Variants in GRIPAP1 observed in about 807,000 individuals in gnomAD.
The protein encoded by GRIPAP1 is GRIP1 associated protein 1.
In GRIPAP1, 14 loss-of-function variants were observed where a neutral mutation model predicts 84.1. The ratio of observed to expected loss-of-function variants is 0.17; its 90% CI spans 0.11 to 0.26. GRIPAP1 has a LOEUF of 0.26. Among genes scored for constraint, GRIPAP1 ranks in the 10% least tolerant of loss-of-function variants. The probability of loss-of-function intolerance (pLI) is 1.00; values close to 1 mark genes in which losing one functional copy is unlikely to be tolerated. For missense variants in GRIPAP1, 518 were observed against 674.2 expected, an observed-to-expected ratio of 0.77 and a Z score of 2.57; for synonymous variants, 261 against 256.8, an observed-to-expected ratio of 1.02 and a Z score of -0.15.
chrX:49,001,654 G>A (rs1360954495), intron 1 of GRIPAP1, among the ~76,000 whole-genome samples: 1 of 109,691 alleles, frequency 9.1e-6, no homozygotes, highest in East Asian at 2.9e-4. Flanking sequence ...AACCACCAAT[G>A]GCACAGGATC....
intron 14 of GRIPAP1, 96 bp downstream of exon 14, chrX:48,985,172 C>T: frequency 1.3e-6 from 1 of 746,613 alleles, no homozygotes; most frequent in Non-Finnish European, 2.0e-6. Context: ...AACCTAGGTC[C>T]TCCTGACTCC....
In GRIPAP1 at chrX:48,992,994, G is replaced by C. The variant is rs1017878505; in HGVS notation, c.457+434C>G. On this transcript the variant is annotated intron_variant, in intron 6 of 25. Coordinates refer to ENST00000376423, the MANE Select transcript of GRIPAP1 (RefSeq NM_020137.5). ...CGCCACCGTGCCCGGCCAATTTTCTGTATTTCTAGTAGAGACGGGGTTTCA... is the reference window on the plus strand; with the variant it reads ...CGCCACCGTGCCCGGCCAATTTTCTCTATTTCTAGTAGAGACGGGGTTTCA... Among the ~76,000 whole-genome samples the C allele has an allele frequency of 4.5e-5, 5 of 109,989 alleles. 1 individual carries two copies. Among genetic ancestry groups the C allele is most frequent in the East Asian group, 5.7e-4 (2 of 3,487 alleles).
At chrX:48,979,427 A>G (rs1557061414) in intron 21 of GRIPAP1, among the ~76,000 whole-genome samples, 1 of 75,513 alleles carries the variant, frequency 1.3e-5, no homozygotes, top group African/African-American at 5.1e-5. Flanking sequence ...CAGTGAGCCG[A>G]GATCGCGCCA....
chrX:48,989,341 C>T, intron 11 of GRIPAP1, among the ~76,000 whole-genome samples: 1 of 111,400 alleles, frequency 9.0e-6, no homozygotes, highest in Non-Finnish European at 1.9e-5. Flanking sequence ...AGACTGTGGT[C>T]TCAAACCTCC....
intron 25 of GRIPAP1, 58 bp from the exon 26 acceptor site, chrX:48,974,343 A>C (rs2064411305): frequency 1.4e-6 from 1 of 710,979 alleles, no homozygotes; most frequent in Non-Finnish European, 2.2e-6. Context: ...TCCCTTGCCA[A>C]ACGTAGGGTA....
At chrX:48,993,373 C>A in intron 6 of GRIPAP1, 55 bp downstream of exon 6, 1 of 1,044,001 alleles carries the variant, frequency 9.6e-7, no homozygotes, top group Non-Finnish European at 1.3e-6. Flanking sequence ...TGACGGCCTT[C>A]CTTGCCCTAC....
chrX:48,987,954 GACACACACACACAC>G (rs781921365), intron 12 of GRIPAP1, 77 bp from the exon 13 acceptor site: 255 of 357,960 alleles, frequency 7.1e-4, no homozygotes, highest in African/African-American at 3.4e-3. Context: ...AGAAAGAAAG[GACACACACACACAC>G]ACACACACAC....
Position 48,989,956 on chromosome X carries a change from G to A in GRIPAP1, c.722+16C>T. 1.7e-6 allele frequency: 2 copies of A among 1,205,251 alleles called. No homozygotes were observed. Among genetic ancestry groups the A allele is most frequent in the Non-Finnish European group, 2.2e-6 (2 of 890,441 alleles). On this transcript the variant is annotated intron_variant, in intron 9 of 25. Transcript: ENST00000376423. ...CCCCCCTCGGCCCCCAGTACCCTTG[G>A]GAAAAAGAAATTTACCTTTCTTGTT... is the stretch of plus-strand genomic sequence containing the variant.
chrX:48,999,047 C>G, intron 3 of GRIPAP1, 191 bp downstream of exon 3: 1 of 363,509 alleles, frequency 2.8e-6, no homozygotes, highest in Non-Finnish European at 4.7e-6. Flanking sequence ...AAATTAATCA[C>G]TAAATTAAGC....
chrX:48,988,510 T>G (rs1036968795), intron 11 of GRIPAP1: 10 of 266,658 alleles, frequency 3.8e-5, no homozygotes, highest in Admixed American at 5.4e-5. Context: ...GATTCTAGCT[T>G]GGGAGCTCCA....
intron 5 of GRIPAP1, among the ~76,000 whole-genome samples, chrX:48,995,923 A>G (rs2064544945): frequency 8.9e-6 from 1 of 112,017 alleles, no homozygotes; most frequent in African/African-American, 3.2e-5. Context: ...CAAATATTTT[A>G]GAGGGAAGAT....
chrX:49,001,652 A>G (rs974003718), intron 1 of GRIPAP1, among the ~76,000 whole-genome samples: 1 of 109,373 alleles, frequency 9.1e-6, no homozygotes, highest in African/African-American at 3.3e-5. Flanking sequence ...CCAACCACCA[A>G]TGGCACAGGA....
At chrX:48,982,202 T>C (rs1557062440) in intron 17 of GRIPAP1, among the ~76,000 whole-genome samples, 1 of 112,127 alleles carries the variant, frequency 8.9e-6, no homozygotes, top group Non-Finnish European at 1.9e-5. Flanking sequence ...GTTACCCCCT[T>C]TTTACCATTG....
intron 21 of GRIPAP1, among the ~76,000 whole-genome samples, chrX:48,980,421 T>G (rs1292832996): frequency 2.7e-5 from 3 of 110,610 alleles, no homozygotes; most frequent in African/African-American, 9.9e-5. Context: ...ACCCTGTACT[T>G]GAGCAGGGAG....
chrX:48,993,265 A>AT (rs782612715), intron 6 of GRIPAP1, among the ~76,000 whole-genome samples, 163 bp downstream of exon 6: 1 of 111,655 alleles, frequency 9.0e-6, no homozygotes, highest in African/African-American at 3.3e-5. Flanking sequence ...TGTGTAGATG[A>AT]TAAGGCTTTG....
chrX:48,999,452 C>T lies in GRIPAP1; in HGVS notation c.95G>A (p.Arg32His), dbSNP rs377433897. The change falls in exon 2 of 26, where the codon CGC (arginine) becomes CAC (histidine). Residue 32 changes from arginine (R) to histidine (H), a missense_variant. This residue lies in a region of GRIPAP1 where 372 missense variants were observed against 458.1 expected (regional missense o/e 0.81). Transcript: ENST00000376423. ...TCCTGGCTCACCAACACCATTCTTGCGTAGTTCATCTGAAAGCTGGTAGTT... is the reference window on the plus strand; with the variant it reads ...TCCTGGCTCACCAACACCATTCTTGTGTAGTTCATCTGAAAGCTGGTAGTT... ...TNNYQLSDEL[R>H]KNGVELTSLR... 10 of 1,201,341 alleles carry T rather than the reference C, an allele frequency of 8.3e-6. No homozygotes were observed. Among genetic ancestry groups the T allele is most frequent in the African/African-American group, 7.0e-5 (4 of 56,883 alleles).
At position 48,991,004 on chromosome X, in the gene GRIPAP1, C is replaced by T. The variant is rs781892017; in HGVS notation, c.564G>A (p.Pro188=). Residue 188 remains proline (P), a synonymous_variant, in exon 7 of 26, where the codon CCG becomes CCA. Coordinates refer to ENST00000376423, the MANE Select transcript of GRIPAP1 (RefSeq NM_020137.5). ...GLAPTVLAPM[P]LAEVELKWEM... ...CCCATTTCAGCTCCACCTCTGCCAA[C>T]GGCATGGGGGCCAGGACGGTGGGGG... 4.1e-5 allele frequency: 49 copies of T among 1,183,975 alleles called. No individual in the cohort carries two copies. Among genetic ancestry groups the T allele is most frequent in the African/African-American group, 8.8e-5 (5 of 56,631 alleles).
chrX:48,995,620 G>C (rs2064543346), intron 5 of GRIPAP1, among the ~76,000 whole-genome samples: 1 of 110,538 alleles, frequency 9.0e-6, no homozygotes, highest in African/African-American at 3.3e-5. Context: ...AATTGAGACA[G>C]AGTCTTGCTC....
intron 23 of GRIPAP1, 23 bp downstream of exon 23, chrX:48,976,218 G>C: frequency 8.6e-7 from 1 of 1,166,614 alleles, no homozygotes; most frequent in African/African-American, 1.8e-5. Flanking sequence ...GTGGGGATGG[G>C]CAGGCAGGCA....
Sources: gnomAD v4.1 joint callset for allele counts (sites outside exome capture counted in the v4.1 genomes callset) on GRCh38, gnomAD v4.1.1 for gene constraint, gnomAD v4.1.1 regional missense constraint, MANE v1.5 for transcripts, NCBI Gene and HGNC (gene_info 2026-07-23, HGNC 2026-07-21) for gene names.